The following GIGYF2 variants were observed in gnomAD, a reference collection of about 807,000 sequenced individuals.
GIGYF2 encodes the protein GRB10-interacting GYF protein 2.
GIGYF2 carries 25 observed loss-of-function variants against 208.1 expected under a neutral mutation model. The observed-to-expected ratio is 0.12, with a 90% CI of 0.09 to 0.17. The LOEUF (loss-of-function observed/expected upper bound fraction) is 0.17. GIGYF2 is among the 10% of genes least tolerant of loss of function. The pLI is 1.00. For missense variants in GIGYF2, 1,302 were observed against 1,579.4 expected, an observed-to-expected ratio of 0.82 and a Z score of 2.98; for synonymous variants, 534 against 543.8, an observed-to-expected ratio of 0.98 and a Z score of 0.25.
At chr2:232,837,211 A>C (rs1484661852) in intron 22 of GIGYF2, among the ~76,000 whole-genome samples, 2 of 152,270 alleles carry the variant, frequency 1.3e-5, no homozygotes, top group East Asian at 3.9e-4. Context: ...CATCAGGGTG[A>C]GACACACCGA....
intron 21 of GIGYF2, among the ~76,000 whole-genome samples, chr2:232,825,928 C>T (rs1701233912): frequency 7.0e-6 from 1 of 143,674 alleles, no homozygotes; most frequent in Non-Finnish European, 1.5e-5. Context: ...TTGTTCAACT[C>T]CCACCTGTGA....
intron 16 of GIGYF2, among the ~76,000 whole-genome samples, chr2:232,810,101 C>T (rs1700688795): frequency 6.6e-6 from 1 of 152,250 alleles, no homozygotes; most frequent in Non-Finnish European, 1.5e-5. Context: ...GATTCTCGTG[C>T]TTCAGCCTCC....
intron 15 of GIGYF2, among the ~76,000 whole-genome samples, chr2:232,808,771 A>G (rs1351086603): frequency 6.6e-6 from 1 of 152,054 alleles, no homozygotes; most frequent in Non-Finnish European, 1.5e-5. Context: ...TTAACTTTTT[A>G]TAATTTAAAT....
At chr2:232,734,763 G>A (rs953544405) in intron 2 of GIGYF2, among the ~76,000 whole-genome samples, 6 of 152,184 alleles carry the variant, frequency 3.9e-5, no homozygotes, top group African/African-American at 1.4e-4. Context: ...CATGGTGATA[G>A]GGGAGTCATT....
Position 232,760,536 on chromosome 2 carries a change from G to A in GIGYF2, c.436G>A (p.Val146Ile). 3.7e-6 allele frequency: 6 copies of A among 1,613,676 alleles called. No individual in the cohort carries two copies. Among genetic ancestry groups the A allele is most frequent in the Non-Finnish European group, 5.1e-6 (6 of 1,179,754 alleles). Reference sequence around the variant, plus strand: ...AAGAAGTTTTGATGAAGTAGAGGGTGTTTTTGGTCGAGGAGGTGGCAGAGA... The same window carrying A: ...AAGAAGTTTTGATGAAGTAGAGGGTATTTTTGGTCGAGGAGGTGGCAGAGA... The part of the protein sequence containing the change: ...YQRSFDEVEG[V>I]FGRGGGREMH... Residue 146 changes from valine to isoleucine, a missense_variant, in exon 7 of 29, where the codon GTT (valine) becomes ATT (isoleucine). Coordinates refer to ENST00000373563, the MANE Select transcript of GIGYF2 (RefSeq NM_001103146.3).
chr2:232,852,371 C>A (rs1484124211), intron 28 of GIGYF2, among the ~76,000 whole-genome samples: 5 of 152,018 alleles, frequency 3.3e-5, no homozygotes, highest in Admixed American at 2.0e-4. Context: ...CATGGTGAAA[C>A]CTCGTCTCTA....
chr2:232,710,747 G>A (rs192246359), intron 2 of GIGYF2, among the ~76,000 whole-genome samples: 2 of 145,038 alleles, frequency 1.4e-5, no homozygotes, highest in East Asian at 4.1e-4. Flanking sequence ...TTCCCTGGCT[G>A]GAGTGCAGTG....
At chr2:232,724,442 G>A (rs1192019654) in intron 2 of GIGYF2, 1 of 152,018 alleles carries the variant, frequency 6.6e-6, no homozygotes, top group Non-Finnish European at 1.5e-5. Flanking sequence ...ATTGAAATCT[G>A]GCTTTGTCCC....
chr2:232,722,931 TC>T (rs1003848305), intron 2 of GIGYF2, among the ~76,000 whole-genome samples: 11 of 152,190 alleles, frequency 7.2e-5, no homozygotes, highest in African/African-American at 2.4e-4. Context: ...TTTGATGAAT[TC>T]CCCTCAGTTT....
chr2:232,746,792 T>C (rs763537196), intron 3 of GIGYF2, among the ~76,000 whole-genome samples: 2 of 152,176 alleles, frequency 1.3e-5, no homozygotes, highest in African/African-American at 4.8e-5. Context: ...ATTAAAAACG[T>C]TGTGAAATAT....
Position 232,843,853 on chromosome 2 carries a change from T to C in GIGYF2, c.2890-193T>C, listed in dbSNP as rs558732778. Among the ~76,000 whole-genome samples the C allele has an allele frequency of 2.0e-5, 3 of 152,350 alleles. No individual in the cohort carries two copies. In the East Asian group the frequency reaches 5.8e-4, roughly 29 times the overall value. ...ACAACAATAAAAAAAGAAGTAATTT[T>C]GCATTTCATGTTTTTATTCTCCTTT... On this transcript the variant is annotated intron_variant, in intron 23 of 28. Coordinates refer to ENST00000373563, the MANE Select transcript of GIGYF2 (RefSeq NM_001103146.3).
chr2:232,806,602 T>C lies in GIGYF2; in HGVS notation c.1751T>C (p.Met584Thr), dbSNP rs1326910407. The change falls in exon 15 of 29, where the codon ATG becomes ACG. Residue 584 changes from methionine (M) to threonine (T), a missense_variant. Met to Thr is a moderately conservative substitution (Grantham distance 81, BLOSUM62 -1). Transcript: ENST00000373563. The surrounding 1 kb of genome is among the most constrained non-coding windows in gnomAD (Gnocchi z 4.0). ...AGCTTCCAACCTCTTGGCGATATCA[T>C]GAAAATGTGGGGAAGGGTTCCCTTT... ...DESFQPLGDIMKMWGRVPFSP... is the reference protein window; with the variant it reads ...DESFQPLGDITKMWGRVPFSP... The C allele has an allele frequency of 1.2e-6, 2 of 1,613,440 alleles. No individual in the cohort carries two copies. Among genetic ancestry groups the C allele is most frequent in the Non-Finnish European group, 1.7e-6 (2 of 1,179,360 alleles).
chr2:232,758,176 A>G (rs575469502), intron 6 of GIGYF2, among the ~76,000 whole-genome samples: 220 of 152,334 alleles, frequency 1.4e-3, no homozygotes, highest in African/African-American at 5.1e-3. Context: ...TGCTGGTTAA[A>G]TAATGATTAT....
At chr2:232,816,685 A>G (rs918955451) in intron 19 of GIGYF2, among the ~76,000 whole-genome samples, 186 bp from the exon 20 acceptor site, 1 of 152,200 alleles carries the variant, frequency 6.6e-6, no homozygotes, top group African/African-American at 2.4e-5. Context: ...TAAAGGTTGA[A>G]TAGTATTAAT....
chr2:232,801,489 G>A (rs1042694612), intron 14 of GIGYF2, among the ~76,000 whole-genome samples: 9 of 152,156 alleles, frequency 5.9e-5, no homozygotes, highest in Non-Finnish European at 1.3e-4. Flanking sequence ...CTTGGCTTGA[G>A]TAACAGAGAC....
intron 2 of GIGYF2, among the ~76,000 whole-genome samples, chr2:232,731,430 C>G (rs969187123): frequency 6.6e-6 from 1 of 152,160 alleles, no homozygotes; most frequent in African/African-American, 2.4e-5. Context: ...AAATCCTCTA[C>G]GGGTTTGAGT....
At chr2:232,814,386 C>T (rs1259339097) in intron 18 of GIGYF2, among the ~76,000 whole-genome samples, 1 of 151,670 alleles carries the variant, frequency 6.6e-6, no homozygotes, top group South Asian at 2.1e-4. Context: ...GATGGTGAAA[C>T]CCCATCTCTA....
rs1159418066 is a variant in GIGYF2, at chr2:232,857,740, G to T, written c.*880G>T. 6.6e-6 allele frequency: 1 copy of T among 152,578 alleles called. No individual in the cohort carries two copies. The highest frequency in any genetic ancestry group is 1.5e-5 in the Non-Finnish European group (1 of 68,038). 9.5% of individuals were successfully genotyped at this position (152,578 alleles called of 1,614,324 possible). The stretch of plus-strand genomic sequence containing the variant: ...TGCTGAAAATTTGTCTCGTTTAAGA[G>T]GCAGCTAGAATCTTTACCATATGTA... On this transcript the variant is annotated 3_prime_UTR_variant, in exon 29 of 29. Transcript: ENST00000373563.
At chr2:232,698,092 A>G (rs1695687109) in intron 1 of GIGYF2, among the ~76,000 whole-genome samples, 1 of 152,242 alleles carries the variant, frequency 6.6e-6, no homozygotes, top group Non-Finnish European at 1.5e-5. Context: ...CTTAAGTGTC[A>G]GTTTCCAAAA....
Sources: allele counts gnomAD v4.1 joint callset (sites outside exome capture counted in the v4.1 genomes callset), GRCh38; gene constraint gnomAD v4.1.1; non-coding constraint Gnocchi (gnomAD v3.1); transcripts MANE v1.5; gene names NCBI Gene and HGNC (gene_info 2026-07-23, HGNC 2026-07-21).